The following WDR64 variants were observed in gnomAD, a reference collection of about 807,000 sequenced individuals.
WDR64 encodes WD repeat domain 64, also known as WD repeat-containing protein 64.
WDR64 carries 112 observed loss-of-function variants against 139.3 expected under a neutral mutation model. The observed-to-expected ratio is 0.80, with a 90% CI of 0.69 to 0.94. The LOEUF (loss-of-function observed/expected upper bound fraction) is 0.94, where lower values mean the gene tolerates loss of function less well. Among genes scored for constraint, WDR64 ranks in the 40% least tolerant of loss-of-function variants. WDR64 has a pLI of 0.00. For synonymous variants in WDR64, 444 were observed against 437.7 expected (o/e 1.01, Z -0.18); for missense variants, 1,206 against 1,293.1 (o/e 0.93, Z 1.03).
At chr1:241,675,043 TTTCC>T in intron 4 of WDR64, among the ~76,000 whole-genome samples, 1 of 26,636 alleles carries the variant, frequency 3.8e-5, no homozygotes, top group East Asian at 9.5e-4. Flanking sequence ...CTCCTTCTTC[TTTCC>T]TTCCTTTTCT....
intron 9 of WDR64, among the ~76,000 whole-genome samples, chr1:241,714,472 C>T (rs991485788): frequency 2.0e-5 from 3 of 152,082 alleles, no homozygotes; most frequent in African/African-American, 4.8e-5. Context: ...ACACAGCAGG[C>T]GGTTTGGTTT....
chr1:241,665,231 G>C (rs980043396), intron 2 of WDR64, among the ~76,000 whole-genome samples: 2 of 152,114 alleles, frequency 1.3e-5, no homozygotes, highest in African/African-American at 2.4e-5. Flanking sequence ...GGGCAGGAAT[G>C]TTCTTCTTTT....
intron 15 of WDR64, among the ~76,000 whole-genome samples, chr1:241,758,626 T>TGTG (rs1314957032): frequency 6.6e-6 from 1 of 152,174 alleles, no homozygotes; most frequent in Non-Finnish European, 1.5e-5. Context: ...TCTTGATGTG[T>TGTG]TTCAGTCAAT....
chr1:241,713,190 A>G (rs1668242778), intron 9 of WDR64, among the ~76,000 whole-genome samples: 1 of 151,772 alleles, frequency 6.6e-6, no homozygotes, highest in East Asian at 2.0e-4. Context: ...GTGTACCTGT[A>G]GCCCTAGCTA....
rs184164899 is a variant in WDR64 at position 241,777,226 on chromosome 1, G to A, written c.2536+2016G>A. The stretch of plus-strand genomic sequence containing the variant: ...CCACCTCAGCCTCCTGAGTAGCTAA[G>A]ACTACAGGTGTATGCTTTTTTTTTC... On this transcript the variant is annotated intron_variant, in intron 21 of 27. Coordinates refer to ENST00000437684, the MANE Select transcript of WDR64 (RefSeq NM_001367482.1). 1.2e-3 allele frequency among the ~76,000 whole-genome samples: 185 copies of A among 152,122 alleles called. 1 individual carries two copies. The highest frequency in any genetic ancestry group is 2.1e-3 in the Non-Finnish European group (146 of 67,996).
intron 25 of WDR64, 34 bp downstream of exon 25, chr1:241,790,730 A>C (rs1659191979): frequency 1.4e-6 from 2 of 1,427,910 alleles, no homozygotes; most frequent in Middle Eastern, 3.6e-4. Flanking sequence ...AAGAAATGGC[A>C]ACAACAACAA....
intron 14 of WDR64, among the ~76,000 whole-genome samples, chr1:241,754,320 C>CTTTT (rs71174845): frequency 1.2e-4 from 10 of 81,840 alleles, no homozygotes; most frequent in East Asian, 7.9e-4. Context: ...TTTTCTTTTT[C>CTTTT]TTTTTTTTTT....
In WDR64 at chr1:241,705,012, C is replaced by A. The variant is rs1402396340; in HGVS notation, c.975-6790C>A. On this transcript the variant is annotated intron_variant, in intron 8 of 27. Coordinates refer to ENST00000437684, the MANE Select transcript of WDR64 (RefSeq NM_001367482.1). Reference sequence around the variant, plus strand: ...GCAGGGTTATTTTGTCTGCCTTCCCCAAAATGGGAGTGGCGGTTGGGGCGA... The same window carrying A: ...GCAGGGTTATTTTGTCTGCCTTCCCAAAAATGGGAGTGGCGGTTGGGGCGA... Among the ~76,000 whole-genome samples, 2 of 152,090 alleles carry A rather than the reference C, an allele frequency of 1.3e-5. 1 individual carries two copies. The highest frequency in any genetic ancestry group is 2.9e-5 in the Non-Finnish European group (2 of 68,016).
At chr1:241,779,430 G>T (rs1470264865) in intron 21 of WDR64, among the ~76,000 whole-genome samples, 3 of 152,138 alleles carry the variant, frequency 2.0e-5, no homozygotes, top group African/African-American at 7.2e-5. Context: ...CTGTTTGGTG[G>T]TATATTCATT....
intron 2 of WDR64, among the ~76,000 whole-genome samples, chr1:241,669,057 G>A (rs900038558): frequency 2.0e-5 from 3 of 152,052 alleles, no homozygotes; most frequent in South Asian, 2.1e-4. Context: ...ACTATATGCC[G>A]GGCACACTGC....
In WDR64 at chr1:241,753,160, T is replaced by C. The variant is rs1462641810; in HGVS notation, c.1770+3438T>C. ...CCATCAACTAGCTAAAGCCCTCATTTTGCAAATAAGAAAAATAGGGCCAAA... is the reference window on the plus strand; with the variant it reads ...CCATCAACTAGCTAAAGCCCTCATTCTGCAAATAAGAAAAATAGGGCCAAA... On this transcript the variant is annotated intron_variant, in intron 14 of 27. Transcript: ENST00000437684. Among the ~76,000 whole-genome samples, 3 of 152,232 alleles carry C rather than the reference T, an allele frequency of 2.0e-5. No homozygotes were observed. The East Asian group carries it at 5.8e-4, about 29-fold the overall frequency.
chr1:241,784,953 G>GGATAAAAA (rs766802128), intron 23 of WDR64, among the ~76,000 whole-genome samples: 1 of 62,248 alleles, frequency 1.6e-5, no homozygotes, highest in Non-Finnish European at 3.1e-5. Context: ...GACTCTGTCT[G>GGATAAAAA]AAAAAAAAAA....
chr1:241,656,085 T>G lies in WDR64; in HGVS notation c.145+3456T>G, dbSNP rs116588287. 8.3e-3 allele frequency among the ~76,000 whole-genome samples: 1,271 copies of G among 152,276 alleles called. 20 individuals carry two copies. The highest frequency in any genetic ancestry group is 0.029 in the African/African-American group (1,212 of 41,548). ...ACTGAAAATTTCCTTTCTCTATAGT[T>G]TTCAAGATTTGATGAAAACTGCATA... On this transcript the variant is annotated intron_variant, in intron 1 of 27. Transcript: ENST00000437684. This position sits in a 1 kb window ranked among gnomAD's most constrained non-coding sequence, Gnocchi z 4.3.
chr1:241,792,132 C>T (rs895887376), intron 25 of WDR64, among the ~76,000 whole-genome samples: 2 of 152,194 alleles, frequency 1.3e-5, no homozygotes, highest in Admixed American at 1.3e-4. Flanking sequence ...GTTTCCTGAG[C>T]ATTCCTGTCT....
chr1:241,675,073 G>GCCTCCCTCCCTCCTT (rs1558465982), intron 4 of WDR64, among the ~76,000 whole-genome samples: 1 of 22,022 alleles, frequency 4.5e-5, no homozygotes, highest in African/African-American at 2.2e-4. Context: ...CCTCCTTCCT[G>GCCTCCCTCCCTCCTT]CCTCCCTCCC....
At chr1:241,769,650 GA>G in intron 17 of WDR64, 145 bp downstream of exon 17, 2 of 722,562 alleles carry the variant, frequency 2.8e-6, no homozygotes, top group Admixed American at 2.8e-5. Flanking sequence ...AGGGACCACT[GA>G]AAAAAGACAT....
At chr1:241,705,325 A>C (rs1234557338) in intron 8 of WDR64, among the ~76,000 whole-genome samples, 2 of 151,964 alleles carry the variant, frequency 1.3e-5, no homozygotes, top group East Asian at 3.9e-4. Flanking sequence ...GCGGATCATG[A>C]GGTCAGGAGA....
rs1157803681 is a variant in WDR64 at position 241,757,453 on chromosome 1, T to G, written c.1941T>G (p.Pro647=). The G allele has an allele frequency of 6.2e-7, 1 of 1,605,724 alleles. No homozygotes were observed. The stretch of plus-strand genomic sequence containing the variant: ...TAGTTGAGAGGAACTTTTCTCAACC[T>G]ACTGATGTAAGTTTCCTCTCTTGGT... ...ELIVERNFSQ[P]TDNPTMDLLR... Residue 647 remains proline (P), a synonymous_variant, in exon 15 of 28, where the codon CCT becomes CCG. Coordinates refer to ENST00000437684, the MANE Select transcript of WDR64 (RefSeq NM_001367482.1).
chr1:241,701,262 A>T (rs1667698737), intron 8 of WDR64, among the ~76,000 whole-genome samples: 1 of 150,984 alleles, frequency 6.6e-6, no homozygotes, highest in South Asian at 2.1e-4. Flanking sequence ...ACACATACAC[A>T]TGCGTGCACA....
Sources: gnomAD v4.1 joint callset for allele counts (sites outside exome capture counted in the v4.1 genomes callset) on GRCh38, gnomAD v4.1.1 for gene constraint, Gnocchi (gnomAD v3.1) non-coding constraint, MANE v1.5 for transcripts, NCBI Gene and HGNC (gene_info 2026-07-23, HGNC 2026-07-21) for gene names.